Variants in CCDC6 observed in about 807,000 individuals in gnomAD.
The protein encoded by CCDC6 is coiled-coil domain-containing protein 6.
A neutral mutation model predicts 56.6 loss-of-function variants in CCDC6; 20 were observed. The ratio of observed to expected loss-of-function variants is 0.35; its 90% CI spans 0.25 to 0.51. CCDC6 has a LOEUF of 0.51. Among genes scored for constraint, CCDC6 ranks in the 20% least tolerant of loss-of-function variants. CCDC6 has a pLI of 0.95. For synonymous variants in CCDC6, 241 were observed against 234.4 expected (o/e 1.03, Z -0.26); for missense variants, 367 against 601.1 (o/e 0.61, Z 4.07).
intron 7 of CCDC6, among the ~76,000 whole-genome samples, chr10:59,797,588 CAAAAAAAAAA>C (rs10561094): frequency 7.9e-4 from 25 of 31,606 alleles, no homozygotes; most frequent in African/African-American, 3.1e-3. Flanking sequence ...AACCTCCTAG[CAAAAAAAAAA>C]AAAAAAAAAA....
At chr10:59,895,997 G>A (rs1253451225) in intron 1 of CCDC6, among the ~76,000 whole-genome samples, 3 of 152,270 alleles carry the variant, frequency 2.0e-5, no homozygotes, top group Middle Eastern at 3.4e-3. Context: ...AATACTCCAT[G>A]TGTATTGTCA....
chr10:59,789,300 GCTAT>G lies in CCDC6; in HGVS notation c.*3613_*3616del, dbSNP rs2070447657. 2 of 231,556 alleles carry G rather than the reference GCTAT, an allele frequency of 8.6e-6. No individual in the cohort carries two copies. The highest frequency in any genetic ancestry group is 3.6e-4 in the South Asian group (2 of 5,518). The allele number at this position is 231,556 out of a possible 1,614,324, so 14.3% of individuals were successfully genotyped here. A position where few individuals can be genotyped will look rare whatever the true frequency, so the allele number is the denominator to read the frequency against. ...ACACATGCACACACACAGCACCCAT[GCTAT>G]CAAGACACAGGATTTTTTCAGTTGC... On this transcript the variant is annotated 3_prime_UTR_variant, in exon 9 of 9. Transcript: ENST00000263102.
At chr10:59,859,201 T>TGC (rs1564750317) in intron 1 of CCDC6, among the ~76,000 whole-genome samples, 3 of 38,440 alleles carry the variant, frequency 7.8e-5, no homozygotes, top group African/African-American at 1.6e-4. Context: ...TGTGTGTGCG[T>TGC]GTGTGTGTGT....
chr10:59,831,188 T>C (rs2070832274), intron 3 of CCDC6, among the ~76,000 whole-genome samples: 1 of 152,146 alleles, frequency 6.6e-6, no homozygotes, highest in Non-Finnish European at 1.5e-5. Context: ...AGACACTGAA[T>C]TTAAATTTGG....
At chr10:59,834,591 AT>A (rs2070865141) in intron 2 of CCDC6, among the ~76,000 whole-genome samples, 1 of 151,956 alleles carries the variant, frequency 6.6e-6, no homozygotes, top group African/African-American at 2.4e-5. Context: ...AGAAAAAAAA[AT>A]TTTAATCTGA....
At chr10:59,838,999 CTT>C (rs938006142) in intron 2 of CCDC6, among the ~76,000 whole-genome samples, 1 of 152,222 alleles carries the variant, frequency 6.6e-6, no homozygotes, top group African/African-American at 2.4e-5. Context: ...GTTTCTGTAT[CTT>C]TTCCATCAGC....
chr10:59,864,791 C>A (rs1269231983), intron 1 of CCDC6, among the ~76,000 whole-genome samples: 1 of 152,222 alleles, frequency 6.6e-6, no homozygotes. Flanking sequence ...ACTCCCACCT[C>A]TTAATGACAG....
chr10:59,864,480 T>C (rs1023751497), intron 1 of CCDC6, among the ~76,000 whole-genome samples: 3 of 152,158 alleles, frequency 2.0e-5, no homozygotes, highest in Non-Finnish European at 2.9e-5. Flanking sequence ...ATTATTAATA[T>C]ACTAAGATGT....
intron 7 of CCDC6, among the ~76,000 whole-genome samples, chr10:59,797,174 T>A (rs2070527851): frequency 1.3e-5 from 2 of 152,136 alleles, no homozygotes; most frequent in Admixed American, 1.3e-4. Flanking sequence ...CCTGCCTGGT[T>A]CCACTTATAT....
At chr10:59,859,585 A>C (rs564585428) in intron 1 of CCDC6, among the ~76,000 whole-genome samples, 4 of 152,344 alleles carry the variant, frequency 2.6e-5, no homozygotes, top group Admixed American at 2.6e-4. Context: ...TAGCAAAGCA[A>C]ATAACCAAAG....
intron 8 of CCDC6, 50 bp downstream of exon 8, chr10:59,794,423 G>A (rs201991808): frequency 1.3e-4 from 215 of 1,599,166 alleles, no homozygotes; most frequent in Non-Finnish European, 1.6e-4. Flanking sequence ...AACACCAGTC[G>A]GTACCACTTT....
At chr10:59,905,179 T>G (rs898318186) in intron 1 of CCDC6, among the ~76,000 whole-genome samples, 1 of 152,150 alleles carries the variant, frequency 6.6e-6, no homozygotes, top group Non-Finnish European at 1.5e-5. Context: ...CACAGTGTAC[T>G]TTTTCTAGTT....
chr10:59,856,060 C>T (rs187705269), intron 1 of CCDC6, among the ~76,000 whole-genome samples: 29 of 152,324 alleles, frequency 1.9e-4, no homozygotes, highest in African/African-American at 7.0e-4. Flanking sequence ...TCTGGTGCAG[C>T]CTGTTAAAAT....
rs1248260305 is a variant in CCDC6, at chr10:59,794,616, TTAAG to T, written c.1106-23_1106-20del. ...GATAGACCTAAAATATAACAACAAA[TTAAG>T]TATCATTTTAAGCTCAACTATCTGG... On this transcript the variant is annotated intron_variant, in intron 7 of 8. Coordinates refer to ENST00000263102, the MANE Select transcript of CCDC6 (RefSeq NM_005436.5). 6.2e-7 allele frequency: 1 copy of T among 1,612,112 alleles called. No individual in the cohort carries two copies. Among genetic ancestry groups the T allele is most frequent in the East Asian group, 2.2e-5 (1 of 44,858 alleles).
At chr10:59,799,185 C>T (rs1046269958) in intron 7 of CCDC6, among the ~76,000 whole-genome samples, 5 of 149,942 alleles carry the variant, frequency 3.3e-5, no homozygotes, top group Non-Finnish European at 5.9e-5. Context: ...AATTCCAGCA[C>T]TTTGGGAGGC....
intron 7 of CCDC6, among the ~76,000 whole-genome samples, chr10:59,795,820 G>A (rs2070511797): frequency 6.6e-6 from 1 of 151,948 alleles, no homozygotes; most frequent in African/African-American, 2.4e-5. Flanking sequence ...CATTTCTTAT[G>A]GCTGCATAGT....
chr10:59,882,945 G>T (rs530900620), intron 1 of CCDC6, among the ~76,000 whole-genome samples: 1 of 151,670 alleles, frequency 6.6e-6, no homozygotes, highest in African/African-American at 2.4e-5. Context: ...GGGCGACAGA[G>T]CAAGACTCTG....
chr10:59,815,562 C>T (rs7099156), intron 3 of CCDC6, among the ~76,000 whole-genome samples: 65,846 of 151,894 alleles, frequency 0.43, 14,622 homozygotes, highest in African/African-American at 0.5. Flanking sequence ...ACTTGTGAAA[C>T]AGTATGAAAC....
intron 2 of CCDC6, among the ~76,000 whole-genome samples, chr10:59,841,675 GT>G (rs1554884674): frequency 6.7e-4 from 93 of 138,612 alleles, no homozygotes; most frequent in Admixed American, 1.4e-3. Context: ...TTTTTTGTTT[GT>G]TTTTTTTTTT....
Sources: gnomAD v4.1 joint callset for allele counts (sites outside exome capture counted in the v4.1 genomes callset) on GRCh38, gnomAD v4.1.1 for gene constraint, MANE v1.5 for transcripts, NCBI Gene and HGNC (gene_info 2026-07-23, HGNC 2026-07-21) for gene names.